The following TOP3A variants were observed in gnomAD, a reference collection of about 807,000 sequenced individuals.
TOP3A encodes DNA topoisomerase III alpha.
A neutral mutation model predicts 111.3 loss-of-function variants in TOP3A; 64 were observed. The ratio of observed to expected loss-of-function variants is 0.57; its 90% CI spans 0.47 to 0.71. The LOEUF (loss-of-function observed/expected upper bound fraction) is 0.71, where lower values mean the gene tolerates loss of function less well. Ranked by LOEUF, TOP3A falls within the 30% of genes least tolerant of loss-of-function variation. The pLI is 0.00. For missense variants in TOP3A, 1,104 were observed against 1,285.0 expected, an observed-to-expected ratio of 0.86 and a Z score of 2.15; for synonymous variants, 484 against 485.1, an observed-to-expected ratio of 1.00 and a Z score of 0.03.
intron 10 of TOP3A, 113 bp from the exon 11 acceptor site, chr17:18,292,965 CA>C: frequency 1.0e-6 from 1 of 1,004,854 alleles, no homozygotes; most frequent in East Asian, 2.7e-5. Flanking sequence ...GTAGCCAACT[CA>C]ACTGAAGGCA....
chr17:18,286,350 A>C (rs1170481559), intron 13 of TOP3A, among the ~76,000 whole-genome samples: 1 of 144,750 alleles, frequency 6.9e-6, no homozygotes, highest in Non-Finnish European at 1.5e-5. Flanking sequence ...AAAAATACAA[A>C]AAAAAAAAAA....
Position 18,290,866 on chromosome 17 carries a change from A to G in TOP3A, c.1443T>C (p.Tyr481=). Residue 481 remains tyrosine (Y), a synonymous_variant, in exon 12 of 19, where the codon TAT becomes TAC. Transcript: ENST00000321105. ...MILARNYLDV[Y]PYDHWSDKIL... ...CCTTGTCACTCCAGTGATCATATGG[A>G]TACACATCCAGATAGTTTCGGGCCA... The G allele has an allele frequency of 6.2e-7, 1 of 1,614,192 alleles. No homozygotes were observed. The highest frequency in any genetic ancestry group is 8.5e-7 in the Non-Finnish European group (1 of 1,180,038).
chr17:18,290,138 G>C (rs916415523), intron 13 of TOP3A, among the ~76,000 whole-genome samples: 5 of 152,208 alleles, frequency 3.3e-5, no homozygotes, highest in African/African-American at 1.2e-4. Flanking sequence ...TGGGAAGGAG[G>C]CTCAGGGCTC....
rs1982158369 is a variant in TOP3A, at chr17:18,314,846, T to C, written c.-68A>G. On this transcript the variant is annotated 5_prime_UTR_variant, in exon 1 of 19. Coordinates refer to ENST00000321105, the MANE Select transcript of TOP3A (RefSeq NM_004618.5). ...ATCCTGGGGAAGCCAGAGATGAGGC[T>C]CAAATGGCGCCCACCGAAAGGGAAC... 8 of 1,317,430 alleles carry C rather than the reference T, an allele frequency of 6.1e-6. No homozygotes were observed. The highest frequency in any genetic ancestry group is 3.1e-5 in the Admixed American group (1 of 31,818). 81.6% of individuals were successfully genotyped at this position (1,317,430 alleles called of 1,614,324 possible). A position where few individuals can be genotyped will look rare whatever the true frequency, so the allele number is the denominator to read the frequency against.
intron 4 of TOP3A, among the ~76,000 whole-genome samples, chr17:18,306,157 C>T (rs752291913): frequency 6.6e-6 from 1 of 152,126 alleles, no homozygotes; most frequent in Non-Finnish European, 1.5e-5. Context: ...GCTGAGATTG[C>T]ACCATCATAC....
At chr17:18,288,142 T>A (rs1980229103) in intron 13 of TOP3A, among the ~76,000 whole-genome samples, 1 of 141,678 alleles carries the variant, frequency 7.1e-6, no homozygotes, top group South Asian at 2.1e-4. Flanking sequence ...TATATATATA[T>A]ATATATAAAT....
At chr17:18,276,516 A>G (rs1478269817) in intron 18 of TOP3A, among the ~76,000 whole-genome samples, 1 of 152,214 alleles carries the variant, frequency 6.6e-6, no homozygotes, top group African/African-American at 2.4e-5. Context: ...CTAGTGACAC[A>G]TGTGTAAGAA....
intron 10 of TOP3A, among the ~76,000 whole-genome samples, chr17:18,294,129 CCCACTGTCTG>C (rs1445250663): frequency 6.6e-6 from 1 of 152,138 alleles, no homozygotes; most frequent in African/African-American, 2.4e-5. Context: ...AAAGGTGCCA[CCCACTGTCTG>C]CCACTTGCCA....
Position 18,314,731 on chromosome 17 carries a change from G to A in TOP3A, c.48C>T (p.Pro16=). ...ARYALRWLRR[P]EDRAFSRAAM... is the part of the protein sequence containing the mutation. The stretch of plus-strand genomic sequence containing the variant: ...CGGCGCGGGAAAAGGCACGGTCTTC[G>A]GGCCGTCGCAGCCACCGGAGCGCGT... The change falls in exon 1 of 19, where the codon CCC becomes CCT. Residue 16 remains proline (P), a synonymous_variant. Transcript: ENST00000321105. 1.3e-6 allele frequency: 2 copies of A among 1,586,266 alleles called. No homozygotes were observed. The highest frequency in any genetic ancestry group is 1.7e-6 in the Non-Finnish European group (2 of 1,166,894).
chr17:18,279,836 G>A (rs1209597636), intron 17 of TOP3A, among the ~76,000 whole-genome samples: 2 of 152,170 alleles, frequency 1.3e-5, no homozygotes, highest in Non-Finnish European at 2.9e-5. Flanking sequence ...ATAGGCATAT[G>A]TCACCACATC....
intron 9 of TOP3A, among the ~76,000 whole-genome samples, chr17:18,297,101 A>G (rs1980857237): frequency 6.6e-6 from 1 of 152,164 alleles, no homozygotes. Context: ...AACCTCATAC[A>G]ATGCAGTTAT....
At chr17:18,313,940 G>A (rs1270122831) in intron 1 of TOP3A, among the ~76,000 whole-genome samples, 2 of 152,202 alleles carry the variant, frequency 1.3e-5, no homozygotes, top group Non-Finnish European at 2.9e-5. Flanking sequence ...GTCTCCCGTG[G>A]CACCTCCTTT....
chr17:18,301,791 G>A (rs1456291088), intron 8 of TOP3A, 94 bp downstream of exon 8: 9 of 1,070,524 alleles, frequency 8.4e-6, no homozygotes, highest in Non-Finnish European at 1.2e-5. Context: ...TAAAGCTAAA[G>A]TCCAATGGGA....
At chr17:18,307,105 A>AC in intron 3 of TOP3A, 139 bp from the exon 4 acceptor site, 1 of 612,648 alleles carries the variant, frequency 1.6e-6, no homozygotes, top group Non-Finnish European at 2.9e-6. Context: ...TAAGGCTATG[A>AC]CCCTCTGCAT....
At position 18,272,181 on chromosome 17, in the gene TOP3A, G is replaced by C. The variant is rs1334804656; in HGVS notation, c.*2621C>G. ...TGGAAAGATGGTCAATGTCATTAAT[G>C]ACTAGGAAAATGCAAAACAAAACCA... On this transcript the variant is annotated 3_prime_UTR_variant, in exon 19 of 19. Coordinates refer to ENST00000321105, the MANE Select transcript of TOP3A (RefSeq NM_004618.5). 6.6e-6 allele frequency among the ~76,000 whole-genome samples: 1 copy of C among 152,194 alleles called. No homozygotes were observed. Among genetic ancestry groups the C allele is most frequent in the African/African-American group, 2.4e-5 (1 of 41,458 alleles).
chr17:18,314,954 C>A lies in TOP3A; in HGVS notation c.-176G>T. On this transcript the variant is annotated 5_prime_UTR_variant, in exon 1 of 19. Coordinates refer to ENST00000321105, the MANE Select transcript of TOP3A (RefSeq NM_004618.5). ...CTGAGCCTTTCCCGTGCCGCAGCCG[C>A]CGCCTCAGCACCGAATCCAGTATCT... 1 of 240,374 alleles carries A rather than the reference C, an allele frequency of 4.2e-6. No individual in the cohort carries two copies. The highest frequency in any genetic ancestry group is 5.3e-5 in the South Asian group (1 of 18,936). 14.9% of individuals were successfully genotyped at this position (240,374 alleles called of 1,614,324 possible). A position where few individuals can be genotyped will look rare whatever the true frequency, so the allele number is the denominator to read the frequency against.
chr17:18,277,914 G>A lies in TOP3A; in HGVS notation c.2588C>T (p.Ala863Val), dbSNP rs1555568077. Reference protein sequence around the residue: ...NPGAGGPPALAYRPLGASLGC... With the variant: ...NPGAGGPPALVYRPLGASLGC... ...CAGGGAGGCGCCCAGGGGTCTATAT[G>A]CCAAGGCAGGAGGCCCTCCTGCTCC... Residue 863 changes from alanine to valine, a missense_variant, in exon 18 of 19, where the codon GCA becomes GTA. Physicochemically the swap from Ala to Val is moderately conservative, Grantham distance 64 (BLOSUM62 0). Transcript: ENST00000321105. The A allele has an allele frequency of 1.9e-6, 3 of 1,613,950 alleles. No individual in the cohort carries two copies. The highest frequency in any genetic ancestry group is 1.1e-5 in the South Asian group (1 of 91,086).
chr17:18,313,621 C>T (rs1017170200), intron 1 of TOP3A: 1 of 150,902 alleles, frequency 6.6e-6, no homozygotes, highest in Admixed American at 6.6e-5. Context: ...TTCAGCAGAG[C>T]CTTGAAGGAT....
At chr17:18,314,414 T>C (rs890496640) in intron 1 of TOP3A, among the ~76,000 whole-genome samples, 185 bp downstream of exon 1, 2 of 152,166 alleles carry the variant, frequency 1.3e-5, no homozygotes, top group African/African-American at 4.8e-5. Flanking sequence ...ATGTATCAAC[T>C]ACGTTTTAAA....
Sources: allele counts gnomAD v4.1 joint callset (sites outside exome capture counted in the v4.1 genomes callset), GRCh38; gene constraint gnomAD v4.1.1; transcripts MANE v1.5; gene names NCBI Gene and HGNC (gene_info 2026-07-23, HGNC 2026-07-21).